Variants in LPA observed in about 807,000 individuals in gnomAD.
LPA encodes lipoprotein(a).
Under a neutral mutation model 197.9 loss-of-function variants are expected in LPA, and 199 were observed. That is an observed-to-expected ratio of 1.01 (90% CI 0.90 to 1.13). The LOEUF (loss-of-function observed/expected upper bound fraction) is 1.13, where lower values mean the gene tolerates loss of function less well. Ranked by LOEUF, LPA falls within the 50% of genes most tolerant of loss-of-function variation. The probability of loss-of-function intolerance (pLI) is 0.00; values close to 1 mark genes in which losing one functional copy is unlikely to be tolerated. For synonymous variants in LPA, 715 were observed against 639.5 expected (o/e 1.12, Z -1.78); for missense variants, 1,853 against 1,785.8 (o/e 1.04, Z -0.68).
intron 1 of LPA, among the ~76,000 whole-genome samples, chr6:160,656,296 C>T (rs962830195): frequency 6.6e-6 from 1 of 152,268 alleles, no homozygotes; most frequent in South Asian, 2.1e-4. Flanking sequence ...GTAGAGACAG[C>T]TCTAATGGCT....
chr6:160,574,314 C>A (rs1256869016), intron 28 of LPA, among the ~76,000 whole-genome samples: 5 of 152,140 alleles, frequency 3.3e-5, no homozygotes, highest in Non-Finnish European at 7.4e-5. Context: ...GAAAACTTGC[C>A]TGAGGCTTTC....
chr6:160,554,665 C>T (rs1473056896), intron 30 of LPA, among the ~76,000 whole-genome samples: 1 of 152,092 alleles, frequency 6.6e-6, no homozygotes, highest in African/African-American at 2.4e-5. Context: ...TCACTGTTTC[C>T]CTGAATTTGT....
chr6:160,564,320 T>C (rs1310865552), intron 28 of LPA, among the ~76,000 whole-genome samples: 2 of 152,212 alleles, frequency 1.3e-5, no homozygotes, highest in African/African-American at 2.4e-5. Flanking sequence ...TCCTTTGTTA[T>C]AAAGCTTAGT....
chr6:160,548,190 T>C (rs556181696), intron 31 of LPA, among the ~76,000 whole-genome samples: 35 of 152,322 alleles, frequency 2.3e-4, no homozygotes, highest in Non-Finnish European at 4.4e-4. Flanking sequence ...ACTGGGACAC[T>C]GAAATAACCC....
Position 160,538,113 on chromosome 6 carries a change from C to G in LPA, c.5736-152G>C, listed in dbSNP as rs181030332. ...GAACAATGTAGAACACAGCGTTTCA[C>G]CCTCACATTTGCCTGTGGTTGCCTA... On this transcript the variant is annotated intron_variant, in intron 36 of 38. Coordinates refer to ENST00000316300, the MANE Select transcript of LPA (RefSeq NM_005577.4). 7.6e-4 allele frequency: 530 copies of G among 701,318 alleles called. 1 individual carries two copies. The highest frequency in any genetic ancestry group is 6.8e-3 in the African/African-American group (388 of 57,146). The allele number at this position is 701,318 out of a possible 1,614,324, so 43.4% of individuals were successfully genotyped here.
Position 160,589,662 on chromosome 6 carries a change from G to T in LPA, c.3838C>A (p.Gln1280Lys), listed in dbSNP as rs1478483980. The change falls in exon 24 of 39, where the codon CAG becomes AAG. Residue 1280 changes from glutamine to lysine, a missense_variant. Coordinates refer to ENST00000316300, the MANE Select transcript of LPA (RefSeq NM_005577.4). The part of the protein sequence containing the change: ...TVQDCYHGDG[Q>K]SYRGSFSTTV... ...GTGGAGAATGAGCCTCGATAACTCT[G>T]TCCATCACCATGGTAGCAGTCCTGG... The T allele has an allele frequency of 6.2e-7, 1 of 1,613,932 alleles. No individual in the cohort carries two copies. The highest frequency in any genetic ancestry group is 1.3e-5 in the African/African-American group (1 of 75,006).
chr6:160,533,498 C>A (rs1042114732), intron 37 of LPA, among the ~76,000 whole-genome samples: 1 of 152,148 alleles, frequency 6.6e-6, no homozygotes, highest in Non-Finnish European at 1.5e-5. Flanking sequence ...CCTCCCCATG[C>A]GTGTTGGCCC....
intron 1 of LPA, among the ~76,000 whole-genome samples, chr6:160,659,918 G>A (rs80016932): frequency 6.2e-3 from 807 of 130,224 alleles, no homozygotes; most frequent in African/African-American, 0.015. Flanking sequence ...AAGTACAACG[G>A]GTACGGCTAA....
intron 1 of LPA, among the ~76,000 whole-genome samples, chr6:160,660,687 C>CA (rs921133190): frequency 3.3e-5 from 5 of 151,700 alleles, no homozygotes; most frequent in African/African-American, 1.2e-4. Context: ...CCTTTAGTTA[C>CA]AAAAATGTTG....
chr6:160,658,297 TAA>T (rs1031359462), intron 1 of LPA, among the ~76,000 whole-genome samples: 14 of 152,176 alleles, frequency 9.2e-5, no homozygotes, highest in African/African-American at 3.4e-4. Flanking sequence ...ACTTTAACAG[TAA>T]ACACCTGGCA....
intron 30 of LPA, among the ~76,000 whole-genome samples, chr6:160,553,954 T>TGTGTGTGTGTGTGTGCGCGC (rs771903485): frequency 3.2e-3 from 425 of 130,782 alleles, no homozygotes; most frequent in African/African-American, 7.0e-3. Flanking sequence ...TGTGTGTGTG[T>TGTGTGTGTGTGTGTGCGCGC]GCGCGCGCGC....
At chr6:160,599,373 G>T (rs2115053153) in intron 20 of LPA, 127 bp downstream of exon 20, 1 of 1,401,830 alleles carries the variant, frequency 7.1e-7, no homozygotes, top group Admixed American at 1.7e-5. Context: ...AAGAACTTTT[G>T]CTCACAGGAA....
Position 160,606,454 on chromosome 6 carries a change from G to A in LPA, c.2785+23C>T, listed in dbSNP as rs554756489. Reference sequence around the variant, plus strand: ...TTCATCCCAGCATCGAAACGTGTAGGTTTCTGGCCACAGGCTCCTTACCTT... The same window carrying A: ...TTCATCCCAGCATCGAAACGTGTAGATTTCTGGCCACAGGCTCCTTACCTT... On this transcript the variant is annotated intron_variant, in intron 17 of 38. Coordinates refer to ENST00000316300, the MANE Select transcript of LPA (RefSeq NM_005577.4). 100 of 1,612,832 alleles carry A rather than the reference G, an allele frequency of 6.2e-5. 1 individual carries two copies. The highest frequency in any genetic ancestry group is 8.0e-5 in the Non-Finnish European group (94 of 1,179,500).
Position 160,577,284 on chromosome 6 carries a change from T to C in LPA, c.4483A>G (p.Lys1495Glu). 6.2e-7 allele frequency: 1 copy of C among 1,613,732 alleles called. No individual in the cohort carries two copies. The highest frequency in any genetic ancestry group is 1.1e-5 in the South Asian group (1 of 91,070). Residue 1495 changes from lysine to glutamate, a missense_variant, in exon 28 of 39, where the codon AAA becomes GAA. Coordinates refer to ENST00000316300, the MANE Select transcript of LPA (RefSeq NM_005577.4). The part of the protein sequence containing the change: ...EAPSEQAPPE[K>E]SPVVQDCYHG... ...TAGCAATCCTGGACCACAGGGCTTT[T>C]CTCAGGTGGTGCTGAAATTAAAATA...
Position 160,542,797 on chromosome 6 carries a change from A to G in LPA, c.5410T>C (p.Phe1804Leu). The G allele has an allele frequency of 6.2e-7, 1 of 1,614,034 alleles. No individual in the cohort carries two copies. Residue 1804 changes from phenylalanine (F) to leucine (L), a missense_variant, in exon 34 of 39, where the codon TTT (phenylalanine) becomes CTT (leucine). By Grantham distance (22) the Phe-to-Leu change is conservative. Transcript: ENST00000316300. Reference protein sequence around the residue: ...CDIPLCASSSFDCGKPQVEPK... With the variant: ...CDIPLCASSSLDCGKPQVEPK... ...TCCACTTGAGGCTTCCCACAATCAA[A>G]TGAAGAGGATGCTGTGGCACAAGGT...
chr6:160,653,835 T>C (rs2115102630), intron 1 of LPA, among the ~76,000 whole-genome samples: 1 of 142,428 alleles, frequency 7.0e-6, no homozygotes, highest in South Asian at 2.2e-4. Context: ...ATTCCTGGGA[T>C]ATAAGGTTGG....
At chr6:160,545,310 T>C (rs1392665166) in intron 33 of LPA, 130 bp downstream of exon 33, 2 of 688,266 alleles carry the variant, frequency 2.9e-6, no homozygotes, top group Non-Finnish European at 5.1e-6. Context: ...AAGCAGGCTC[T>C]GGTGGAGAGG....
intron 24 of LPA, among the ~76,000 whole-genome samples, chr6:160,587,695 A>C (rs1012997623): frequency 2.0e-5 from 3 of 150,626 alleles, no homozygotes; most frequent in African/African-American, 2.5e-5. Context: ...CATATATTAA[A>C]TGTGTGGATT....
intron 28 of LPA, among the ~76,000 whole-genome samples, chr6:160,562,604 C>T (rs947268504): frequency 6.6e-5 from 10 of 152,142 alleles, no homozygotes; most frequent in African/African-American, 1.9e-4. Context: ...GGCAGGAGTC[C>T]CTCTTTTTCT....
Sources: allele counts gnomAD v4.1 joint callset (sites outside exome capture counted in the v4.1 genomes callset), GRCh38; gene constraint gnomAD v4.1.1; transcripts MANE v1.5; gene names NCBI Gene and HGNC (gene_info 2026-07-23, HGNC 2026-07-21).